Variants in KHNYN observed in about 807,000 individuals in gnomAD.
KHNYN encodes the protein KH and NYN domain containing.
Under a neutral mutation model 62.7 loss-of-function variants are expected in KHNYN, and 42 were observed. The observed-to-expected ratio is 0.67, with a 90% CI of 0.52 to 0.87. KHNYN has a LOEUF of 0.87. KHNYN is among the 40% of genes least tolerant of loss of function. The probability of loss-of-function intolerance (pLI) is 0.00; values close to 1 mark genes in which losing one functional copy is unlikely to be tolerated. For synonymous variants in KHNYN, 347 were observed against 345.6 expected, an observed-to-expected ratio of 1.00 and a Z score of -0.04; for missense variants, 829 against 874.1, an observed-to-expected ratio of 0.95 and a Z score of 0.65.
In KHNYN at chr14:24,432,061, A is replaced by C. The variant is rs764782427; in HGVS notation, c.800A>C (p.Glu267Ala). 4 of 1,584,424 alleles carry C rather than the reference A, an allele frequency of 2.5e-6. No individual in the cohort carries two copies. In the South Asian group the frequency reaches 4.6e-5, roughly 18 times the overall value. The change falls in exon 3 of 8, where the codon GAG (glutamate) becomes GCG (alanine). Residue 267 changes from glutamate to alanine, a missense_variant. By Grantham distance (107) the Glu-to-Ala change is moderately radical. Coordinates refer to ENST00000553935, the MANE Select transcript of KHNYN (RefSeq NM_015299.3). This position sits in a 1 kb window ranked among gnomAD's most constrained non-coding sequence, Gnocchi z 5.6. The stretch of plus-strand genomic sequence containing the variant: ...GGAGGGAAACAGGGTGGTCCCAGGG[A>C]GATGGATTGGGGGTGGAAGGAGTTG... ...KEGGKQGGPR[E>A]MDWGWKELPG... is the part of the protein sequence containing the mutation.
At chr14:24,429,095 G>A (rs946100594), upstream of KHNYN, 5 of 1,460,628 alleles carry the variant, frequency 3.4e-6, no homozygotes, top group Non-Finnish European at 4.5e-6. Context: ...CCGGTCTTCT[G>A]CCCCTCTTCT....
At chr14:24,423,498 T>A in the KHNYN span, among the ~76,000 whole-genome samples, 2 of 151,098 alleles carry the variant, frequency 1.3e-5, no homozygotes, top group African/African-American at 4.9e-5. Context: ...AGTGTGGTGG[T>A]GGGCAGGGTC....
upstream of KHNYN, chr14:24,428,248 C>T (rs2043043201): frequency 1.2e-6 from 2 of 1,608,924 alleles, no homozygotes; most frequent in South Asian, 1.1e-5. Flanking sequence ...CCCTCCCCAC[C>T]CTCCTGAGCC....
At chr14:24,427,920 C>G (rs1473294141), upstream of KHNYN, 1 of 1,613,958 alleles carries the variant, frequency 6.2e-7, no homozygotes, top group Non-Finnish European at 8.5e-7. This position sits in a 1 kb window ranked among gnomAD's most constrained non-coding sequence, Gnocchi z 4.4. Context: ...GTGGCTGCCT[C>G]CCGGGTCACG....
upstream of KHNYN, chr14:24,429,661 C>T (rs2043067971): frequency 9.0e-7 from 1 of 1,113,240 alleles, no homozygotes; most frequent in Non-Finnish European, 1.1e-6. Flanking sequence ...CACCAGTGGG[C>T]CAGTCACGCT....
At chr14:24,426,921 CAG>C (rs1279470286), upstream of KHNYN, 1 of 152,442 alleles carries the variant, frequency 6.6e-6, no homozygotes, top group Non-Finnish European at 1.5e-5. Flanking sequence ...AGGCAGCAGT[CAG>C]AGTGTGGAGG....
Position 24,439,970 on chromosome 14 carries a change from G to A in KHNYN, c.*2685G>A. 1.2e-6 allele frequency: 1 copy of A among 801,824 alleles called. No individual in the cohort carries two copies. Among genetic ancestry groups the A allele is most frequent in the Non-Finnish European group, 1.9e-6 (1 of 517,304 alleles). 49.7% of individuals were successfully genotyped at this position (801,824 alleles called of 1,614,324 possible). On this transcript the variant is annotated 3_prime_UTR_variant, in exon 8 of 8. Coordinates refer to ENST00000553935, the MANE Select transcript of KHNYN (RefSeq NM_015299.3). ...ACAGAACAATGGGAAAGAGGACTGG[G>A]AGAGGAATCTAAGAACCAGATGGCT...
At position 24,441,103 on chromosome 14, in the gene KHNYN, G is replaced by A. The variant is rs1594764089; in HGVS notation, c.*3818G>A. ...CATGACCTGAAGCGTTCCTTCCCTGGAGGAACTCTGGTTGCAGGGCTAAAC... is the reference window on the plus strand; with the variant it reads ...CATGACCTGAAGCGTTCCTTCCCTGAAGGAACTCTGGTTGCAGGGCTAAAC... On this transcript the variant is annotated 3_prime_UTR_variant, in exon 8 of 8. Coordinates refer to ENST00000553935, the MANE Select transcript of KHNYN (RefSeq NM_015299.3). 1.5e-6 allele frequency: 1 copy of A among 650,558 alleles called. No individual in the cohort carries two copies. Among genetic ancestry groups the A allele is most frequent in the Non-Finnish European group, 2.7e-6 (1 of 372,750 alleles). The allele number at this position is 650,558 out of a possible 1,614,324, so 40.3% of individuals were successfully genotyped here.
upstream of KHNYN, among the ~76,000 whole-genome samples, chr14:24,425,843 A>G (rs1053240942): frequency 1.3e-5 from 2 of 152,182 alleles, no homozygotes; most frequent in Non-Finnish European, 2.9e-5. Flanking sequence ...TTTTCTTCTT[A>G]GTTGCAAAAT....
In KHNYN at chr14:24,441,329, T is replaced by G. The variant is rs2043332449; in HGVS notation, c.*4044T>G. ...TGTAAGGAATAAATGATAATAAGCATAAAACACTTCAAATAGTGGCTGGTG... is the reference window on the plus strand; with the variant it reads ...TGTAAGGAATAAATGATAATAAGCAGAAAACACTTCAAATAGTGGCTGGTG... On this transcript the variant is annotated 3_prime_UTR_variant, in exon 8 of 8. Transcript: ENST00000553935. The G allele has an allele frequency of 2.2e-6, 1 of 449,152 alleles. No homozygotes were observed. The highest frequency in any genetic ancestry group is 4.7e-5 in the East Asian group (1 of 21,142). The allele number at this position is 449,152 out of a possible 1,614,324, so 27.8% of individuals were successfully genotyped here. A position where few individuals can be genotyped will look rare whatever the true frequency, so the allele number is the denominator to read the frequency against.
In KHNYN at chr14:24,431,970, A is replaced by C. The variant is rs1352660202; in HGVS notation, c.709A>C (p.Thr237Pro). 10 of 1,612,722 alleles carry C rather than the reference A, an allele frequency of 6.2e-6. 1 individual carries two copies. The South Asian group carries it at 1.1e-4, about 18-fold the overall frequency. The change falls in exon 3 of 8, where the codon ACT becomes CCT. Residue 237 changes from threonine (T) to proline (P), a missense_variant. Physicochemically the swap from Thr to Pro is conservative, Grantham distance 38. Transcript: ENST00000553935. Reference sequence around the variant, plus strand: ...TAGTGACGGCAGGGAGTCCCTGGACACTGGATCTATGGGACCCGGAGATTG... The same window carrying C: ...TAGTGACGGCAGGGAGTCCCTGGACCCTGGATCTATGGGACCCGGAGATTG... ...PPSDGRESLD[T>P]GSMGPGDCRG...
At chr14:24,430,150 C>T (rs986269385) in intron 1 of KHNYN, 31 bp downstream of exon 1, 4 of 982,690 alleles carry the variant, frequency 4.1e-6, no homozygotes, top group Non-Finnish European at 4.8e-6. Flanking sequence ...CGCCCGGGAG[C>T]GGGGAGCGGG....
At chr14:24,428,875 C>T (rs1473285945), upstream of KHNYN, 4 of 1,604,044 alleles carry the variant, frequency 2.5e-6, no homozygotes, top group African/African-American at 1.3e-5. Context: ...GGGCTGCTCC[C>T]CCGGGCCCCC....
chr14:24,431,420 C>G, intron 2 of KHNYN, 43 bp from the exon 3 acceptor site: 1 of 1,498,842 alleles, frequency 6.7e-7, no homozygotes, highest in Non-Finnish European at 9.0e-7. Flanking sequence ...GTGATCTGGG[C>G]CAGTTAGTTT....
Position 24,430,945 on chromosome 14 carries a change from C to T in KHNYN, c.201+14C>T, listed in dbSNP as rs1253187589. ...AGCAGAGCCAAGGTGAACGCCTTCT[C>T]TCCCCCATCCCTCCAGGCACCAAGG... is the stretch of plus-strand genomic sequence containing the variant. On this transcript the variant is annotated intron_variant, in intron 2 of 7. Transcript: ENST00000553935. The T allele has an allele frequency of 6.2e-7, 1 of 1,604,586 alleles. No individual in the cohort carries two copies. The highest frequency in any genetic ancestry group is 8.5e-7 in the Non-Finnish European group (1 of 1,173,296).
At chr14:24,433,958 G>GT (rs56793879) in intron 5 of KHNYN, 6,165 of 183,756 alleles carry the variant, frequency 0.034, 447 homozygotes, top group African/African-American at 0.14. Context: ...ACATTATACA[G>GT]TTTTTAAAAA....
rs1164991748 is a variant in KHNYN, at chr14:24,440,416, G to A, written c.*3131G>A. The A allele has an allele frequency of 1.2e-5, 19 of 1,613,268 alleles. No homozygotes were observed. Among genetic ancestry groups the A allele is most frequent in the East Asian group, 2.2e-5 (1 of 44,846 alleles). On this transcript the variant is annotated 3_prime_UTR_variant, in exon 8 of 8. Coordinates refer to ENST00000553935, the MANE Select transcript of KHNYN (RefSeq NM_015299.3). ...AGGGGAAGAATTGGTGGCCTGAGCC[G>A]ATGGGGCCCCCCAGGCCCAGGCGAA...
chr14:24,427,550 G>C, upstream of KHNYN: 1 of 502,236 alleles, frequency 2.0e-6, no homozygotes, highest in Non-Finnish European at 3.4e-6. The surrounding 1 kb of genome is among the most constrained non-coding windows in gnomAD (Gnocchi z 4.4). Flanking sequence ...CTGCAGGCAG[G>C]AACAGATGCA....
At chr14:24,434,355 T>C in intron 5 of KHNYN, 1 of 985,416 alleles carries the variant, frequency 1.0e-6, no homozygotes. Flanking sequence ...CATAGTAAAA[T>C]ATGCTTAACT....
Sources: gnomAD v4.1 joint callset for allele counts (sites outside exome capture counted in the v4.1 genomes callset) on GRCh38, gnomAD v4.1.1 for gene constraint, Gnocchi (gnomAD v3.1) non-coding constraint, MANE v1.5 for transcripts, NCBI Gene and HGNC (gene_info 2026-07-23, HGNC 2026-07-21) for gene names.